PDE10A: variants seen among roughly 807,000 people sequenced by gnomAD.
The protein encoded by PDE10A is phosphodiesterase 10A, also known as cAMP and cAMP-inhibited cGMP 3',5'-cyclic phosphodiesterase 10A.
Under a neutral mutation model 97.7 loss-of-function variants are expected in PDE10A, and 39 were observed. That is an observed-to-expected ratio of 0.40 (90% CI 0.31 to 0.52). The LOEUF (loss-of-function observed/expected upper bound fraction) is 0.52, where lower values mean the gene tolerates loss of function less well. Ranked by LOEUF, PDE10A falls within the 20% of genes least tolerant of loss-of-function variation. The pLI, the probability that PDE10A is intolerant of heterozygous loss-of-function variation, is 0.56. For missense variants in PDE10A, 731 were observed against 1,047.8 expected (o/e 0.70, Z 4.17); for synonymous variants, 371 against 376.8 (o/e 0.98, Z 0.18).
intron 1 of PDE10A, among the ~76,000 whole-genome samples, chr6:165,861,650 G>T (rs1045123731): frequency 2.6e-5 from 4 of 151,996 alleles, no homozygotes; most frequent in Non-Finnish European, 4.4e-5. Context: ...CTGGGAAGGG[G>T]AGCAGAGACC....
chr6:165,875,944 G>C (rs1326450354), intron 1 of PDE10A, among the ~76,000 whole-genome samples: 2 of 152,236 alleles, frequency 1.3e-5, no homozygotes, highest in East Asian at 1.9e-4. Flanking sequence ...GCCCATGACT[G>C]TTTCTACCAC....
chr6:165,422,112 T>G (rs1788735939), intron 10 of PDE10A, among the ~76,000 whole-genome samples: 1 of 152,140 alleles, frequency 6.6e-6, no homozygotes, highest in East Asian at 1.9e-4. Flanking sequence ...TCTAAACATA[T>G]GTTCACCTTT....
chr6:165,565,016 C>CA (rs1018608268), intron 1 of PDE10A, among the ~76,000 whole-genome samples: 2 of 151,850 alleles, frequency 1.3e-5, no homozygotes, highest in Non-Finnish European at 2.9e-5. Context: ...GATACAAAGA[C>CA]AAAAAATAGG....
chr6:165,890,105 A>C (rs969701261), intron 1 of PDE10A, among the ~76,000 whole-genome samples: 41 of 130,040 alleles, frequency 3.2e-4, no homozygotes, highest in Non-Finnish European at 5.5e-4. Flanking sequence ...CTCACTCCTC[A>C]CTGACTTCTC....
chr6:165,969,282 A>G (rs991589823), intron 1 of PDE10A, among the ~76,000 whole-genome samples: 1 of 152,216 alleles, frequency 6.6e-6, no homozygotes, highest in African/African-American at 2.4e-5. Context: ...CCCTGACAAG[A>G]TAAGCAGCTC....
At chr6:165,790,102 TA>T (rs1758362121) in intron 1 of PDE10A, among the ~76,000 whole-genome samples, 1 of 152,222 alleles carries the variant, frequency 6.6e-6, no homozygotes, top group Non-Finnish European at 1.5e-5. Flanking sequence ...ACCACATTGT[TA>T]AAATGTAATT....
intron 16 of PDE10A, among the ~76,000 whole-genome samples, chr6:165,391,191 T>C (rs1009798037): frequency 4.6e-5 from 7 of 152,206 alleles, no homozygotes; most frequent in Non-Finnish European, 8.8e-5. Flanking sequence ...TTCTAACAGT[T>C]CTTTTAGAGA....
At chr6:165,692,032 CT>C (rs1791314920) in intron 1 of PDE10A, among the ~76,000 whole-genome samples, 1 of 152,194 alleles carries the variant, frequency 6.6e-6, no homozygotes, top group African/African-American at 2.4e-5. Context: ...GAGTAGGCCC[CT>C]ATCTCTTTGT....
intron 1 of PDE10A, among the ~76,000 whole-genome samples, chr6:165,815,145 G>A (rs1346592444): frequency 2.6e-5 from 4 of 152,128 alleles, no homozygotes; most frequent in African/African-American, 4.8e-5. Flanking sequence ...CATCATGCAC[G>A]CCAGTGCCCT....
At chr6:165,694,920 G>A (rs563018031) in intron 1 of PDE10A, among the ~76,000 whole-genome samples, 11 of 152,118 alleles carry the variant, frequency 7.2e-5, no homozygotes, top group African/African-American at 1.2e-4. Context: ...CATGTCTTCC[G>A]TAGCCTTCAA....
intron 3 of PDE10A, among the ~76,000 whole-genome samples, chr6:165,461,442 G>A (rs962294340): frequency 1.3e-5 from 2 of 152,144 alleles, no homozygotes; most frequent in Non-Finnish European, 2.9e-5. Context: ...AAGTTTTCCA[G>A]ACGCCCTATA....
intron 1 of PDE10A, among the ~76,000 whole-genome samples, chr6:165,877,858 C>T (rs185288754): frequency 1.0e-3 from 156 of 152,202 alleles, no homozygotes; most frequent in African/African-American, 3.5e-3. Context: ...CTGAGGAAGG[C>T]AAGATTATTA....
At chr6:165,810,539 C>T (rs13203335) in intron 1 of PDE10A, among the ~76,000 whole-genome samples, 35,458 of 152,070 alleles carry the variant, frequency 0.23, 4,595 homozygotes, top group East Asian at 0.43. Flanking sequence ...CATAGACCTA[C>T]GCCATGTGCC....
intron 1 of PDE10A, among the ~76,000 whole-genome samples, chr6:165,838,988 G>T (rs111542870): frequency 2.6e-4 from 39 of 152,338 alleles, no homozygotes; most frequent in African/African-American, 9.1e-4. Context: ...CTGGTGTATG[G>T]AATGAATGAA....
intron 1 of PDE10A, among the ~76,000 whole-genome samples, chr6:165,917,431 G>C (rs2128487571): frequency 6.6e-6 from 1 of 152,214 alleles, no homozygotes; most frequent in Non-Finnish European, 1.5e-5. Flanking sequence ...ATCCTGCAGG[G>C]GAAAGAACCA....
At chr6:165,613,208 AC>A (rs1454229940) in intron 1 of PDE10A, among the ~76,000 whole-genome samples, 1 of 152,172 alleles carries the variant, frequency 6.6e-6, no homozygotes, top group African/African-American at 2.4e-5. Flanking sequence ...GTAATTCTAT[AC>A]TTTTTTGCAT....
At chr6:165,496,580 C>G (rs1173954732) in intron 2 of PDE10A, among the ~76,000 whole-genome samples, 1 of 152,216 alleles carries the variant, frequency 6.6e-6, no homozygotes, top group Non-Finnish European at 1.5e-5. Flanking sequence ...CATTAACTCT[C>G]TTCTGCCTTC....
intron 9 of PDE10A, among the ~76,000 whole-genome samples, chr6:165,429,456 T>G (rs1278108765): frequency 6.6e-6 from 1 of 152,106 alleles, no homozygotes; most frequent in African/African-American, 2.4e-5. Flanking sequence ...ATTTTATTAT[T>G]TCAAAAACTA....
intron 1 of PDE10A, among the ~76,000 whole-genome samples, chr6:165,766,458 T>C (rs1777852221): frequency 6.6e-6 from 1 of 152,242 alleles, no homozygotes. Context: ...GTTTAGTGCC[T>C]AATTGAAAAC....
Sources: allele counts gnomAD v4.1 joint callset (sites outside exome capture counted in the v4.1 genomes callset), GRCh38; gene constraint gnomAD v4.1.1; transcripts MANE v1.5; gene names NCBI Gene and HGNC (gene_info 2026-07-23, HGNC 2026-07-21).